The following EDEM3 variants were observed in gnomAD, a reference collection of about 807,000 sequenced individuals.
EDEM3 encodes ER degradation enhancing alpha-mannosidase like protein 3.
A neutral mutation model predicts 110.2 loss-of-function variants in EDEM3; 60 were observed. The observed-to-expected ratio is 0.54, with a 90% CI of 0.44 to 0.67. The LOEUF is 0.67. EDEM3 is among the 30% of genes least tolerant of loss of function. The pLI, the probability that EDEM3 is intolerant of heterozygous loss-of-function variation, is 0.00. For missense variants in EDEM3, 996 were observed against 1,121.0 expected (o/e 0.89, Z 1.59); for synonymous variants, 352 against 382.9 (o/e 0.92, Z 0.94).
intron 2 of EDEM3, among the ~76,000 whole-genome samples, chr1:184,742,519 T>C (rs1652199955): frequency 6.6e-6 from 1 of 152,180 alleles, no homozygotes; most frequent in South Asian, 2.1e-4. Context: ...GCCTCAAGAA[T>C]AGTTGGGATT....
At chr1:184,749,714 T>C in intron 1 of EDEM3, 122 bp from the exon 2 acceptor site, 3 of 798,288 alleles carry the variant, frequency 3.8e-6, no homozygotes, top group Admixed American at 3.4e-5. Flanking sequence ...AAAAGAAAAA[T>C]TTAGGTAGAA....
intron 1 of EDEM3, among the ~76,000 whole-genome samples, chr1:184,753,971 A>C (rs553170720): frequency 6.6e-6 from 1 of 152,388 alleles, no homozygotes; most frequent in South Asian, 2.1e-4. Flanking sequence ...CTATTATGAA[A>C]ATACAGTGCA....
chr1:184,712,855 T>C (rs1333766220), intron 13 of EDEM3, among the ~76,000 whole-genome samples: 1 of 152,184 alleles, frequency 6.6e-6, no homozygotes, highest in African/African-American at 2.4e-5. Flanking sequence ...GATTTTTCTA[T>C]AGGCCTTTCA....
intron 1 of EDEM3, 101 bp from the exon 2 acceptor site, chr1:184,749,693 C>A: frequency 3.0e-6 from 3 of 985,100 alleles, no homozygotes; most frequent in Admixed American, 3.2e-5. Flanking sequence ...AAAAAATATA[C>A]CAATAAAAAC....
chr1:184,703,030 T>C, intron 18 of EDEM3, 34 bp from the exon 19 acceptor site: 1 of 1,508,196 alleles, frequency 6.6e-7, no homozygotes, highest in Non-Finnish European at 8.9e-7. Context: ...AACATCAAAA[T>C]ATCCAGCCAT....
At position 184,749,539 on chromosome 1, in the gene EDEM3, C is replaced by T. The variant is rs771708165; in HGVS notation, c.204+8G>A. ...TAAATGGTAGGTAAAGATAAGCTTC[C>T]TACTTACCATATAGTTACCATAAGC... On this transcript the variant is annotated splice_region_variant and intron_variant, in intron 2 of 19. Transcript: ENST00000318130. 1 of 1,562,306 alleles carries T rather than the reference C, an allele frequency of 6.4e-7. No homozygotes were observed. The highest frequency in any genetic ancestry group is 8.7e-7 in the Non-Finnish European group (1 of 1,150,580).
chr1:184,737,547 G>C, intron 3 of EDEM3, 64 bp downstream of exon 3: 1 of 1,460,562 alleles, frequency 6.8e-7, no homozygotes, highest in South Asian at 1.2e-5. Context: ...TATGTAAACT[G>C]TCTGTAAAAG....
In EDEM3 at chr1:184,734,026, C is replaced by T. The variant is rs572998140; in HGVS notation, c.458+505G>A. Among the ~76,000 whole-genome samples, 7 of 152,330 alleles carry T rather than the reference C, an allele frequency of 4.6e-5. 1 individual carries two copies. The South Asian group carries it at 1.5e-3, about 32-fold the overall frequency. On this transcript the variant is annotated intron_variant, in intron 5 of 19. Coordinates refer to ENST00000318130, the MANE Select transcript of EDEM3 (RefSeq NM_025191.4). ...TTAACAACATACAGATATTACCTTTCAGTCTAGAGACGTCTGTGAGTGATT... is the reference window on the plus strand; with the variant it reads ...TTAACAACATACAGATATTACCTTTTAGTCTAGAGACGTCTGTGAGTGATT...
chr1:184,742,216 T>C (rs1652184331), intron 2 of EDEM3, among the ~76,000 whole-genome samples: 1 of 152,220 alleles, frequency 6.6e-6, no homozygotes, highest in Non-Finnish European at 1.5e-5. Flanking sequence ...ATACTTTGCA[T>C]TGAAGATGGC....
intron 18 of EDEM3, 86 bp from the exon 19 acceptor site, chr1:184,703,082 G>C (rs1649717754): frequency 2.7e-6 from 3 of 1,120,728 alleles, no homozygotes; most frequent in Non-Finnish European, 3.6e-6. Flanking sequence ...TTTTTACAAT[G>C]ACAGAATTAA....
chr1:184,745,834 G>T (rs1224939011), intron 2 of EDEM3, among the ~76,000 whole-genome samples: 2 of 152,092 alleles, frequency 1.3e-5, no homozygotes, highest in African/African-American at 4.8e-5. Context: ...GTTTTTGCTT[G>T]TAACAGTTTG....
chr1:184,743,719 G>A (rs1453950856), intron 2 of EDEM3, among the ~76,000 whole-genome samples: 2 of 152,120 alleles, frequency 1.3e-5, no homozygotes, highest in African/African-American at 4.8e-5. Context: ...AGGACAATGT[G>A]ATATTTGTAT....
rs781750968 is a variant in EDEM3 at position 184,710,376 on chromosome 1, A to C, written c.1845+18T>G. ...AGCAGGGCAGAGACGGTATCTAATTAGTGTAGCAATGTCTTACTTGGATTG... is the reference window on the plus strand; with the variant it reads ...AGCAGGGCAGAGACGGTATCTAATTCGTGTAGCAATGTCTTACTTGGATTG... On this transcript the variant is annotated intron_variant, in intron 16 of 19. Transcript: ENST00000318130. 1.2e-6 allele frequency: 2 copies of C among 1,609,294 alleles called. No individual in the cohort carries two copies. Among genetic ancestry groups the C allele is most frequent in the East Asian group, 4.5e-5 (2 of 44,760 alleles).
chr1:184,738,123 T>G lies in EDEM3; in HGVS notation c.205-412A>C, dbSNP rs561410353. Among the ~76,000 whole-genome samples, 101 of 152,342 alleles carry G rather than the reference T, an allele frequency of 6.6e-4. 5 individuals carry two copies. The South Asian group carries it at 0.02, about 31-fold the overall frequency. The stretch of plus-strand genomic sequence containing the variant: ...ATTTGTCACTTAAATAATGGAGTTT[T>G]CTTCCCACGTTTTTAGAATGTTACA... On this transcript the variant is annotated intron_variant, in intron 2 of 19. Transcript: ENST00000318130.
intron 9 of EDEM3, among the ~76,000 whole-genome samples, chr1:184,720,351 T>C (rs1650818842): frequency 1.3e-5 from 2 of 152,112 alleles, no homozygotes. Flanking sequence ...TCTAATCACT[T>C]TGAATGCATA....
intron 4 of EDEM3, among the ~76,000 whole-genome samples, chr1:184,735,276 T>A (rs1651760000): frequency 6.6e-6 from 1 of 152,228 alleles, no homozygotes; most frequent in Non-Finnish European, 1.5e-5. Context: ...CTTATAGGGT[T>A]GTTTTCTTAA....
intron 17 of EDEM3, among the ~76,000 whole-genome samples, chr1:184,707,797 G>A (rs1379419591): frequency 6.6e-6 from 1 of 152,142 alleles, no homozygotes; most frequent in Non-Finnish European, 1.5e-5. Context: ...TGTGCTTTTA[G>A]CTGTTTTCTA....
In EDEM3 at chr1:184,752,753, T is replaced by C. The variant is rs114758802; in HGVS notation, c.158+1736A>G. On this transcript the variant is annotated intron_variant, in intron 1 of 19. Transcript: ENST00000318130. ...TTCCAAGTCTAATGAACGTGCAACATACTGGAGAGAGCCTGGCTCTGGGAT... is the reference window on the plus strand; with the variant it reads ...TTCCAAGTCTAATGAACGTGCAACACACTGGAGAGAGCCTGGCTCTGGGAT... Among the ~76,000 whole-genome samples the C allele has an allele frequency of 2.9e-3, 435 of 152,322 alleles. 5 individuals are homozygous for C. In the East Asian group the frequency reaches 0.036, roughly 12 times the overall value.
chr1:184,721,371 G>A lies in EDEM3; in HGVS notation c.869C>T (p.Ala290Val). 1.3e-6 allele frequency: 2 copies of A among 1,598,846 alleles called. No individual in the cohort carries two copies. Among genetic ancestry groups the A allele is most frequent in the Non-Finnish European group, 1.7e-6 (2 of 1,175,012 alleles). ...ATATTCATAATATGAATCAATCCCT[G>A]CTCCAACTCCACTATCTATGGAAAC... ...DWVRKDSGVG[A>V]GIDSYYEYLL... The change falls in exon 9 of 20, where the codon GCA (alanine) becomes GTA (valine). Residue 290 changes from alanine to valine, a missense_variant. Ala to Val is a moderately conservative substitution (Grantham distance 64, BLOSUM62 0). Coordinates refer to ENST00000318130, the MANE Select transcript of EDEM3 (RefSeq NM_025191.4).
Sources: allele counts gnomAD v4.1 joint callset (sites outside exome capture counted in the v4.1 genomes callset), GRCh38; gene constraint gnomAD v4.1.1; transcripts MANE v1.5; gene names NCBI Gene and HGNC (gene_info 2026-07-23, HGNC 2026-07-21).